KCNJ3: variants seen among roughly 807,000 people sequenced by gnomAD.
The protein encoded by KCNJ3 is G protein-activated inward rectifier potassium channel 1.
KCNJ3 carries 4 observed loss-of-function variants against 39.2 expected under a neutral mutation model. The observed-to-expected ratio is 0.10, with a 90% CI of 0.05 to 0.23. The LOEUF is 0.23. Among genes scored for constraint, KCNJ3 ranks in the 10% least tolerant of loss-of-function variants. KCNJ3 has a pLI of 1.00. For missense variants in KCNJ3, 276 were observed against 634.9 expected, an observed-to-expected ratio of 0.43 and a Z score of 6.08; for synonymous variants, 230 against 237.4, an observed-to-expected ratio of 0.97 and a Z score of 0.29.
chr2:154,756,000 C>G (rs935287265), intron 2 of KCNJ3, among the ~76,000 whole-genome samples: 14 of 152,088 alleles, frequency 9.2e-5, no homozygotes, highest in Non-Finnish European at 2.1e-4. Flanking sequence ...ATCATCTACC[C>G]CTAAAGATGT....
chr2:154,831,972 A>T (rs1259978378), intron 2 of KCNJ3, among the ~76,000 whole-genome samples: 1 of 152,192 alleles, frequency 6.6e-6, no homozygotes, highest in Non-Finnish European at 1.5e-5. Flanking sequence ...AAGGGGAACC[A>T]GTGTGTGCAG....
At chr2:154,851,796 A>T (rs1687760496) in intron 2 of KCNJ3, among the ~76,000 whole-genome samples, 1 of 152,194 alleles carries the variant, frequency 6.6e-6, no homozygotes, top group Non-Finnish European at 1.5e-5. Context: ...TCCACTGTAG[A>T]TGTCATAGCA....
At chr2:154,766,017 A>G (rs1686127491) in intron 2 of KCNJ3, among the ~76,000 whole-genome samples, 1 of 152,248 alleles carries the variant, frequency 6.6e-6, no homozygotes, top group Non-Finnish European at 1.5e-5. Context: ...CGTGGTTACT[A>G]AAGAATGAAA....
chr2:154,709,525 A>T, intron 1 of KCNJ3, 78 bp from the exon 2 acceptor site: 2 of 1,385,542 alleles, frequency 1.4e-6, no homozygotes, highest in South Asian at 1.3e-5. Flanking sequence ...GTTGGCAATG[A>T]TGTAAATTAC....
At chr2:154,822,231 C>T (rs970707244) in intron 2 of KCNJ3, among the ~76,000 whole-genome samples, 1 of 152,094 alleles carries the variant, frequency 6.6e-6, no homozygotes, top group South Asian at 2.1e-4. Context: ...TGGAATAAGT[C>T]AAATGTACAT....
intron 2 of KCNJ3, among the ~76,000 whole-genome samples, chr2:154,749,703 C>T (rs1375288867): frequency 6.6e-6 from 1 of 151,986 alleles, no homozygotes; most frequent in Non-Finnish European, 1.5e-5. Flanking sequence ...AAAGTGGGAA[C>T]AGATTATTAC....
At chr2:154,750,823 A>C (rs1685829514) in intron 2 of KCNJ3, among the ~76,000 whole-genome samples, 1 of 152,040 alleles carries the variant, frequency 6.6e-6, no homozygotes, top group Non-Finnish European at 1.5e-5. Flanking sequence ...TAACAGTGAA[A>C]ATTCTCATTA....
rs1686870665 is a variant in KCNJ3 at position 154,804,162 on chromosome 2, G to A, written c.920-50565G>A. 2.0e-5 allele frequency among the ~76,000 whole-genome samples: 3 copies of A among 151,944 alleles called. 1 individual carries two copies. The highest frequency in any genetic ancestry group is 4.1e-4 in the South Asian group (2 of 4,822). The stretch of plus-strand genomic sequence containing the variant: ...AGATAAAAATAATATCTGTTTCAAC[G>A]AGTAGTCTTCAGACAGGAGAAATAT... On this transcript the variant is annotated intron_variant, in intron 2 of 2. Coordinates refer to ENST00000295101, the MANE Select transcript of KCNJ3 (RefSeq NM_002239.4).
At chr2:154,742,170 C>T (rs976207211) in intron 2 of KCNJ3, among the ~76,000 whole-genome samples, 7 of 151,742 alleles carry the variant, frequency 4.6e-5, no homozygotes, top group African/African-American at 1.7e-4. Context: ...TTTTACCTAC[C>T]ATAATGTCCT....
At chr2:154,842,621 C>T (rs1283121554) in intron 2 of KCNJ3, among the ~76,000 whole-genome samples, 2 of 152,288 alleles carry the variant, frequency 1.3e-5, no homozygotes, top group South Asian at 2.1e-4. Context: ...AATCTGAGTG[C>T]TCCTGTATTG....
intron 2 of KCNJ3, among the ~76,000 whole-genome samples, chr2:154,796,046 C>G (rs953392833): frequency 6.6e-6 from 1 of 152,012 alleles, no homozygotes; most frequent in Non-Finnish European, 1.5e-5. Flanking sequence ...TCCTCATGTG[C>G]CTTTCTTTAA....
chr2:154,831,902 T>C (rs955705312), intron 2 of KCNJ3, among the ~76,000 whole-genome samples: 1 of 152,178 alleles, frequency 6.6e-6, no homozygotes, highest in African/African-American at 2.4e-5. Context: ...CTGCAGGTTG[T>C]ACAAGAAGCA....
chr2:154,717,228 G>A (rs537545334), intron 2 of KCNJ3, among the ~76,000 whole-genome samples: 1 of 152,296 alleles, frequency 6.6e-6, no homozygotes, highest in Admixed American at 6.5e-5. Context: ...AAATAATTTG[G>A]TATGATGAGA....
At chr2:154,700,583 T>A (rs1447655600) in intron 1 of KCNJ3, among the ~76,000 whole-genome samples, 1 of 152,114 alleles carries the variant, frequency 6.6e-6, no homozygotes, top group Non-Finnish European at 1.5e-5. Context: ...GAAGCCAGAG[T>A]CTGAATTTAG....
chr2:154,741,681 A>G (rs1352347449), intron 2 of KCNJ3, among the ~76,000 whole-genome samples: 1 of 151,930 alleles, frequency 6.6e-6, no homozygotes, highest in Non-Finnish European at 1.5e-5. Context: ...CTTGAGGTTT[A>G]TGATGGCAGA....
chr2:154,788,954 G>C (rs566936532), intron 2 of KCNJ3, among the ~76,000 whole-genome samples: 5 of 152,002 alleles, frequency 3.3e-5, no homozygotes, highest in Admixed American at 6.6e-5. Flanking sequence ...CGTGTTATCT[G>C]TTCTTGATTC....
chr2:154,703,729 A>G (rs1684951079), intron 1 of KCNJ3, among the ~76,000 whole-genome samples: 1 of 152,020 alleles, frequency 6.6e-6, no homozygotes, highest in African/African-American at 2.4e-5. Flanking sequence ...TTGCACTGAA[A>G]TGTGATTATG....
chr2:154,723,451 T>C (rs1685297766), intron 2 of KCNJ3, among the ~76,000 whole-genome samples: 1 of 152,096 alleles, frequency 6.6e-6, no homozygotes, highest in Admixed American at 6.6e-5. Flanking sequence ...AGCCAGACTT[T>C]CACTTTATGA....
At chr2:154,722,494 G>T (rs1270090786) in intron 2 of KCNJ3, among the ~76,000 whole-genome samples, 1 of 152,176 alleles carries the variant, frequency 6.6e-6, no homozygotes, top group East Asian at 1.9e-4. Flanking sequence ...AGAAGAACTT[G>T]CTGTTTAAAT....
Sources: allele counts gnomAD v4.1 joint callset (sites outside exome capture counted in the v4.1 genomes callset), GRCh38; gene constraint gnomAD v4.1.1; transcripts MANE v1.5; gene names NCBI Gene and HGNC (gene_info 2026-07-23, HGNC 2026-07-21).